LVRN: variants seen among roughly 807,000 people sequenced by gnomAD.
The protein encoded by LVRN is laeverin.
A neutral mutation model predicts 111.4 loss-of-function variants in LVRN; 99 were observed. The observed-to-expected ratio is 0.89, with a 90% CI of 0.76 to 1.05. The LOEUF (loss-of-function observed/expected upper bound fraction) is 1.05, where lower values mean the gene tolerates loss of function less well. LVRN is among the 50% of genes least tolerant of loss of function. The probability of loss-of-function intolerance (pLI) is 0.00; values close to 1 mark genes in which losing one functional copy is unlikely to be tolerated. For missense variants in LVRN, 1,414 were observed against 1,206.8 expected (o/e 1.17, Z -2.54); for synonymous variants, 488 against 449.5 (o/e 1.09, Z -1.08).
intron 7 of LVRN, 82 bp downstream of exon 7, chr5:115,999,984 C>T: frequency 2.1e-6 from 3 of 1,401,090 alleles, no homozygotes; most frequent in Admixed American, 2.3e-5. Flanking sequence ...CCTATATCAT[C>T]ATACAACTTA....
chr5:115,970,881 A>G (rs1421754080), intron 1 of LVRN, among the ~76,000 whole-genome samples: 1 of 152,192 alleles, frequency 6.6e-6, no homozygotes, highest in African/African-American at 2.4e-5. Context: ...TTGAGTAAAT[A>G]CCTAAGAGTG....
intron 13 of LVRN, among the ~76,000 whole-genome samples, chr5:116,006,927 C>A (rs1274031044): frequency 3.9e-5 from 6 of 152,166 alleles, no homozygotes; most frequent in Non-Finnish European, 7.3e-5. Flanking sequence ...TTTTTCCCTG[C>A]ATGTCAAAGT....
intron 18 of LVRN, among the ~76,000 whole-genome samples, chr5:116,017,717 G>A (rs1174947363): frequency 1.3e-5 from 2 of 152,142 alleles, no homozygotes; most frequent in South Asian, 2.1e-4. Flanking sequence ...GGATAATAAT[G>A]AATAGGCTTT....
chr5:115,984,514 A>G, intron 2 of LVRN, 56 bp from the exon 3 acceptor site: 1 of 1,586,140 alleles, frequency 6.3e-7, no homozygotes, highest in Admixed American at 1.7e-5. Flanking sequence ...AAATTATTTC[A>G]AAGACATGTA....
intron 13 of LVRN, among the ~76,000 whole-genome samples, chr5:116,006,343 A>G (rs1748373841): frequency 6.6e-6 from 1 of 152,222 alleles, no homozygotes; most frequent in African/African-American, 2.4e-5. Flanking sequence ...TTTTCAGGCA[A>G]TAAAATTAAG....
chr5:116,022,940 C>T (rs546691081), intron 19 of LVRN, among the ~76,000 whole-genome samples: 1 of 152,360 alleles, frequency 6.6e-6, no homozygotes, highest in African/African-American at 2.4e-5. Context: ...CACCCCTAAA[C>T]ACATTTCCTC....
chr5:116,002,786 T>C (rs764553709), intron 10 of LVRN, 49 bp from the exon 11 acceptor site: 2 of 1,347,660 alleles, frequency 1.5e-6, no homozygotes, highest in South Asian at 1.3e-5. Flanking sequence ...TCAGAGTGTA[T>C]GTTTTTATGT....
At chr5:115,985,297 T>A (rs529944535) in intron 3 of LVRN, among the ~76,000 whole-genome samples, 2 of 152,124 alleles carry the variant, frequency 1.3e-5, no homozygotes, top group Non-Finnish European at 2.9e-5. Flanking sequence ...CAAATCTAGT[T>A]TGTTGGTTTG....
chr5:115,985,264 G>A (rs888767317), intron 3 of LVRN, among the ~76,000 whole-genome samples: 2 of 152,144 alleles, frequency 1.3e-5, no homozygotes, highest in African/African-American at 4.8e-5. Flanking sequence ...AGAAGGAGCT[G>A]AGAAACTGAG....
At chr5:115,979,895 T>C (rs1753526055) in intron 1 of LVRN, among the ~76,000 whole-genome samples, 1 of 152,164 alleles carries the variant, frequency 6.6e-6, no homozygotes, top group South Asian at 2.1e-4. Flanking sequence ...TGGAATGAAA[T>C]AGCTTACTGA....
chr5:116,004,623 A>G (rs1044316796), intron 12 of LVRN, among the ~76,000 whole-genome samples: 4 of 152,194 alleles, frequency 2.6e-5, no homozygotes, highest in African/African-American at 9.7e-5. Context: ...ATGGGGAAAA[A>G]AAACCCCCAA....
intron 1 of LVRN, among the ~76,000 whole-genome samples, chr5:115,963,513 T>C (rs1170077313): frequency 6.6e-6 from 1 of 152,220 alleles, no homozygotes; most frequent in East Asian, 1.9e-4. Context: ...AACGTGCAGG[T>C]TTGTTACATA....
chr5:116,001,311 T>C, intron 10 of LVRN, 72 bp downstream of exon 10: 1 of 1,544,692 alleles, frequency 6.5e-7, no homozygotes, highest in Non-Finnish European at 8.8e-7. Flanking sequence ...ATCCAGCCTG[T>C]GGGTGAAGAA....
intron 6 of LVRN, among the ~76,000 whole-genome samples, chr5:115,994,318 A>G (rs1283391654): frequency 6.6e-6 from 1 of 152,006 alleles, no homozygotes; most frequent in Non-Finnish European, 1.5e-5. Flanking sequence ...TGTCACCCAA[A>G]CTGGAGTGTG....
At position 115,978,254 on chromosome 5, in the gene LVRN, GT is replaced by G. The variant is rs531418296; in HGVS notation, c.696-5032del. ...TGATGCTGGTGTCACAGAGGAAAAT[GT>G]CATTTCATTATCCTATAAAGGTGTC... On this transcript the variant is annotated intron_variant, in intron 1 of 19. Coordinates refer to ENST00000357872, the MANE Select transcript of LVRN (RefSeq NM_173800.5). 2.6e-5 allele frequency among the ~76,000 whole-genome samples: 4 copies of G among 152,276 alleles called. No individual in the cohort carries two copies. In the South Asian group the frequency reaches 8.3e-4, roughly 32 times the overall value.
intron 13 of LVRN, among the ~76,000 whole-genome samples, chr5:116,010,091 G>A (rs184378375): frequency 1.4e-4 from 21 of 152,302 alleles, no homozygotes; most frequent in Non-Finnish European, 2.2e-4. Flanking sequence ...CCACCACCCT[G>A]ATCAGTTAGC....
rs374013763 is a variant in LVRN, at chr5:116,001,091, A to T, written c.1672A>T (p.Ile558Phe). Residue 558 changes from isoleucine (I) to phenylalanine (F), a missense_variant, in exon 10 of 20, where the codon ATT becomes TTT. Physicochemically the swap from Ile to Phe is conservative, Grantham distance 21 (BLOSUM62 0). Coordinates refer to ENST00000357872, the MANE Select transcript of LVRN (RefSeq NM_173800.5). Reference sequence around the variant, plus strand: ...GGCCATAGATGACCAGAGTACAGTTATTTTGCCAGCAACAATAAAAAACAT... The same window carrying T: ...GGCCATAGATGACCAGAGTACAGTTTTTTTGCCAGCAACAATAAAAAACAT... ...QMAIDDQSTV[I>F]LPATIKNIMD... 85 of 1,611,306 alleles carry T rather than the reference A, an allele frequency of 5.3e-5. No homozygotes were observed. In the African/African-American group the frequency reaches 8.8e-4, roughly 17 times the overall value.
intron 3 of LVRN, among the ~76,000 whole-genome samples, chr5:115,987,012 C>T (rs1747884584): frequency 6.6e-6 from 1 of 151,514 alleles, no homozygotes; most frequent in African/African-American, 2.4e-5. Flanking sequence ...TTAATGCTGG[C>T]AATTCTATTA....
chr5:116,020,900 A>G (rs770627781), intron 18 of LVRN: 11 of 152,238 alleles, frequency 7.2e-5, no homozygotes, highest in Non-Finnish European at 1.2e-4. Context: ...AAGGATTACT[A>G]TATTGAGTCG....
Sources: gnomAD v4.1 joint callset for allele counts (sites outside exome capture counted in the v4.1 genomes callset) on GRCh38, gnomAD v4.1.1 for gene constraint, MANE v1.5 for transcripts, NCBI Gene and HGNC (gene_info 2026-07-23, HGNC 2026-07-21) for gene names.